Variants in AFF3 observed in about 807,000 individuals in gnomAD.
AFF3 encodes AF4/FMR2 family member 3.
A neutral mutation model predicts 129.7 loss-of-function variants in AFF3; 32 were observed. The observed-to-expected ratio is 0.25, with a 90% CI of 0.19 to 0.33. The LOEUF (loss-of-function observed/expected upper bound fraction) is 0.33. Ranked by LOEUF, AFF3 falls within the 10% of genes least tolerant of loss-of-function variation. The pLI is 1.00. For synonymous variants in AFF3, 644 were observed against 635.4 expected (o/e 1.01, Z -0.20); for missense variants, 1,373 against 1,592.0 (o/e 0.86, Z 2.34).
chr2:99,831,640 G>T (rs1424564807), intron 8 of AFF3, among the ~76,000 whole-genome samples: 1 of 152,162 alleles, frequency 6.6e-6, no homozygotes, highest in Non-Finnish European at 1.5e-5. Context: ...ATAAGAATTT[G>T]CACTTATTGT....
chr2:99,593,294 C>G lies in AFF3; in HGVS notation c.2367G>C (p.Leu789Phe). 1 of 1,614,036 alleles carries G rather than the reference C, an allele frequency of 6.2e-7. No homozygotes were observed. Among genetic ancestry groups the G allele is most frequent in the Non-Finnish European group, 8.5e-7 (1 of 1,179,964 alleles). Residue 789 changes from leucine (L) to phenylalanine (F), a missense_variant, in exon 15 of 25, where the codon TTG (leucine) becomes TTC (phenylalanine). By Grantham distance (22) the Leu-to-Phe change is conservative. Coordinates refer to ENST00000672756, the MANE Select transcript of AFF3 (RefSeq NM_001386135.1). ...PEHLPQEPGV[L>F]SAPATKDSES... ...CAGAGTCCTTGGTGGCAGGGGCGCT[C>G]AATACCCCTGGCTCCTGGGGCAGGT...
At chr2:99,787,395 C>A (rs1472038634) in intron 8 of AFF3, among the ~76,000 whole-genome samples, 3 of 152,142 alleles carry the variant, frequency 2.0e-5, no homozygotes, top group Non-Finnish European at 4.4e-5. Context: ...AGACAGGGTT[C>A]CACACCTGCG....
chr2:99,809,764 T>C (rs1485713332), intron 8 of AFF3, among the ~76,000 whole-genome samples: 1 of 152,280 alleles, frequency 6.6e-6, no homozygotes, highest in African/African-American at 2.4e-5. Flanking sequence ...GCTGTATTTA[T>C]GTGCACATTT....
At chr2:99,805,439 G>C (rs191268804) in intron 8 of AFF3, among the ~76,000 whole-genome samples, 15 of 152,192 alleles carry the variant, frequency 9.9e-5, no homozygotes, top group Admixed American at 7.2e-4. Context: ...CTGGCCTTGC[G>C]TTGTTCAGAC....
chr2:100,104,959 T>A, intron 3 of AFF3: 1 of 150,188 alleles, frequency 6.7e-6, no homozygotes, highest in Non-Finnish European at 1.4e-5. Context: ...GCGCCGCTCC[T>A]CGGGGTCCCG....
chr2:100,130,576 A>G (rs1300148351), intron 1 of AFF3, among the ~76,000 whole-genome samples: 1 of 152,230 alleles, frequency 6.6e-6, no homozygotes, highest in African/African-American at 2.4e-5. Context: ...CAAATCTTAT[A>G]GCAGTGCGTT....
intron 11 of AFF3, among the ~76,000 whole-genome samples, chr2:99,696,796 A>G (rs553191972): frequency 6.6e-6 from 1 of 152,130 alleles, no homozygotes; most frequent in Non-Finnish European, 1.5e-5. Context: ...GGCACGCGCC[A>G]CCATGCCCAG....
At chr2:100,111,106 CAT>C (rs1367474305) in intron 2 of AFF3, among the ~76,000 whole-genome samples, 1 of 152,146 alleles carries the variant, frequency 6.6e-6, no homozygotes, top group Admixed American at 6.5e-5. Context: ...ATGACTGCTT[CAT>C]ATAACCCTAC....
chr2:99,678,591 T>C (rs531000736), intron 11 of AFF3, among the ~76,000 whole-genome samples: 4 of 152,370 alleles, frequency 2.6e-5, no homozygotes, highest in South Asian at 4.1e-4. Context: ...TTTGTTTTAA[T>C]GGTTTTTTAA....
At chr2:100,042,081 G>A (rs896310940) in intron 4 of AFF3, among the ~76,000 whole-genome samples, 4 of 151,602 alleles carry the variant, frequency 2.6e-5, no homozygotes, top group East Asian at 1.9e-4. Flanking sequence ...CCCCCGGCCC[G>A]GCCCCACCAT....
At chr2:99,817,156 A>G (rs1335144744) in intron 8 of AFF3, among the ~76,000 whole-genome samples, 1 of 152,166 alleles carries the variant, frequency 6.6e-6, no homozygotes. Context: ...TCCTCGGTCA[A>G]GACCACAGGA....
At chr2:100,130,863 C>A (rs1692401689) in intron 1 of AFF3, among the ~76,000 whole-genome samples, 1 of 152,100 alleles carries the variant, frequency 6.6e-6, no homozygotes, top group African/African-American at 2.4e-5. Flanking sequence ...ACCTGCTAGG[C>A]CAGAAGGTTA....
At chr2:99,856,012 A>G (rs1386783425) in intron 7 of AFF3, among the ~76,000 whole-genome samples, 1 of 152,224 alleles carries the variant, frequency 6.6e-6, no homozygotes, top group Non-Finnish European at 1.5e-5. Flanking sequence ...GGGGTAGTCT[A>G]TAAATGTCAG....
At chr2:99,844,164 G>A (rs754650517) in intron 7 of AFF3, among the ~76,000 whole-genome samples, 3 of 152,144 alleles carry the variant, frequency 2.0e-5, no homozygotes, top group African/African-American at 7.2e-5. Flanking sequence ...CCCAATTCTG[G>A]TATATGATAT....
intron 1 of AFF3, among the ~76,000 whole-genome samples, chr2:100,129,654 A>G (rs1016111400): frequency 2.0e-5 from 3 of 152,198 alleles, no homozygotes; most frequent in African/African-American, 7.2e-5. Flanking sequence ...TAATCGGCAC[A>G]TTAAAGCTGA....
intron 12 of AFF3, among the ~76,000 whole-genome samples, chr2:99,660,179 G>A (rs981712426): frequency 6.6e-6 from 1 of 152,154 alleles, no homozygotes; most frequent in Non-Finnish European, 1.5e-5. Flanking sequence ...CTTTCCACTG[G>A]CCTTGGCAGG....
chr2:99,554,332 T>G lies in AFF3; in HGVS notation c.3538A>C (p.Asn1180His), dbSNP rs1674712186. 6.2e-7 allele frequency: 1 copy of G among 1,614,118 alleles called. No homozygotes were observed. The highest frequency in any genetic ancestry group is 8.5e-7 in the Non-Finnish European group (1 of 1,180,044). ...TCACCTCGGTTTTCCTTGGCCAGGT[T>G]GTCGGCCATCTCCCAGTAGTCGTAG... ...HSYDYWEMAD[N>H]LAKENREFFN... The change falls in exon 24 of 25, where the codon AAC (asparagine) becomes CAC (histidine). Residue 1180 changes from asparagine to histidine, a missense_variant. Transcript: ENST00000672756.
At chr2:100,009,606 T>C (rs1267846385) in intron 4 of AFF3, among the ~76,000 whole-genome samples, 6 of 152,316 alleles carry the variant, frequency 3.9e-5, no homozygotes, top group African/African-American at 1.4e-4. Flanking sequence ...TGTTGTGTCA[T>C]CAAGGAACTC....
At chr2:100,018,877 C>T (rs1683359320) in intron 4 of AFF3, among the ~76,000 whole-genome samples, 1 of 152,110 alleles carries the variant, frequency 6.6e-6, no homozygotes, top group Non-Finnish European at 1.5e-5. Context: ...CAGGGCTTTT[C>T]ATGGGAGAGC....
Sources: gnomAD v4.1 joint callset for allele counts (sites outside exome capture counted in the v4.1 genomes callset) on GRCh38, gnomAD v4.1.1 for gene constraint, MANE v1.5 for transcripts, NCBI Gene and HGNC (gene_info 2026-07-23, HGNC 2026-07-21) for gene names.